The following BBX variants were observed in gnomAD, a reference collection of about 807,000 sequenced individuals.
BBX encodes the protein BBX high mobility group box domain containing.
In BBX, 30 loss-of-function variants were observed where a neutral mutation model predicts 100.2. The ratio of observed to expected loss-of-function variants is 0.30; its 90% CI spans 0.22 to 0.41. The LOEUF (loss-of-function observed/expected upper bound fraction) is 0.41. Among genes scored for constraint, BBX ranks in the 10% least tolerant of loss-of-function variants. The probability of loss-of-function intolerance (pLI) is 1.00; values close to 1 mark genes in which losing one functional copy is unlikely to be tolerated. For synonymous variants in BBX, 376 were observed against 388.1 expected (o/e 0.97, Z 0.37); for missense variants, 1,023 against 1,129.8 (o/e 0.91, Z 1.35).
At chr3:107,525,754 A>G (rs1017492662) in intron 1 of BBX, among the ~76,000 whole-genome samples, 1 of 152,046 alleles carries the variant, frequency 6.6e-6, no homozygotes, top group Non-Finnish European at 1.5e-5. Context: ...GCTTTGGCGA[A>G]TGTGTTTTCC....
chr3:107,679,516 C>T (rs2059463538), intron 3 of BBX, among the ~76,000 whole-genome samples: 1 of 152,012 alleles, frequency 6.6e-6, no homozygotes. Flanking sequence ...ATATGCCAGG[C>T]ACAACAATAG....
intron 7 of BBX, among the ~76,000 whole-genome samples, chr3:107,741,905 A>G: frequency 2.3e-5 from 3 of 128,472 alleles, no homozygotes. Flanking sequence ...AGATCAGTGT[A>G]TCCACAGATA....
chr3:107,598,085 C>T (rs1391983932), intron 2 of BBX, among the ~76,000 whole-genome samples: 1 of 152,164 alleles, frequency 6.6e-6, no homozygotes, highest in African/African-American at 2.4e-5. Context: ...CCTGCATATC[C>T]TTTGGAAAAC....
At chr3:107,747,137 C>T (rs1429992893) in intron 8 of BBX, among the ~76,000 whole-genome samples, 1 of 152,106 alleles carries the variant, frequency 6.6e-6, no homozygotes, top group East Asian at 1.9e-4. Flanking sequence ...AAGAAAGCTA[C>T]CATAATTGCC....
chr3:107,801,389 G>C (rs1163723711), intron 17 of BBX, 108 bp downstream of exon 17: 1 of 1,208,796 alleles, frequency 8.3e-7, no homozygotes, highest in East Asian at 2.5e-5. Context: ...CTTGGTTCAA[G>C]AGCACTATTG....
rs950249502 is a variant in BBX at position 107,808,161 on chromosome 3, T to G, written c.*2704T>G. 2.0e-5 allele frequency: 3 copies of G among 152,204 alleles called. No individual in the cohort carries two copies. The highest frequency in any genetic ancestry group is 7.2e-5 in the African/African-American group (3 of 41,458). The allele number at this position is 152,204 out of a possible 1,614,324, so 9.4% of individuals were successfully genotyped here. A position where few individuals can be genotyped will look rare whatever the true frequency, so the allele number is the denominator to read the frequency against. ...TCTTTTTTATTTTGGAAAATCATAT[T>G]GCTATAGTGTGTACTTTAATCTGCC... On this transcript the variant is annotated 3_prime_UTR_variant, in exon 18 of 18. Coordinates refer to ENST00000325805, the MANE Select transcript of BBX (RefSeq NM_001142568.3).
At chr3:107,752,684 A>G (rs2065167758) in intron 9 of BBX, among the ~76,000 whole-genome samples, 1 of 152,174 alleles carries the variant, frequency 6.6e-6, no homozygotes, top group South Asian at 2.1e-4. Context: ...GACTTTATGG[A>G]TGAATACTGT....
chr3:107,678,863 G>A (rs984881840), intron 3 of BBX, among the ~76,000 whole-genome samples: 1 of 152,154 alleles, frequency 6.6e-6, no homozygotes, highest in Non-Finnish European at 1.5e-5. Flanking sequence ...AGCAGTGTAT[G>A]TGTATATAAA....
chr3:107,695,108 A>G (rs377724407), intron 3 of BBX, among the ~76,000 whole-genome samples: 13,893 of 132,992 alleles, frequency 0.1, 892 homozygotes, highest in Non-Finnish European at 0.13. Context: ...TAGTCTTGCT[A>G]GCGGTCTATC....
intron 17 of BBX, among the ~76,000 whole-genome samples, chr3:107,803,394 T>C (rs911219455): frequency 6.6e-6 from 1 of 152,180 alleles, no homozygotes; most frequent in Non-Finnish European, 1.5e-5. Flanking sequence ...CTCACTGTTA[T>C]TGAACCTGGG....
intron 8 of BBX, among the ~76,000 whole-genome samples, chr3:107,747,228 A>AGTGTGT (rs148845246): frequency 3.4e-5 from 5 of 148,186 alleles, no homozygotes; most frequent in African/African-American, 9.9e-5. Flanking sequence ...CTAACGTGTG[A>AGTGTGT]GTGTGTGTGT....
intron 2 of BBX, among the ~76,000 whole-genome samples, chr3:107,563,798 A>G (rs527708294): frequency 6.6e-6 from 1 of 152,338 alleles, no homozygotes; most frequent in Non-Finnish European, 1.5e-5. Context: ...AGTGCTTATT[A>G]CAGGGCCTGA....
intron 2 of BBX, among the ~76,000 whole-genome samples, chr3:107,598,670 A>C (rs1222728672): frequency 1.3e-5 from 2 of 152,192 alleles, no homozygotes; most frequent in Admixed American, 1.3e-4. Context: ...AATTGCCTGA[A>C]GTCACATAGG....
chr3:107,737,885 T>TTTTTTTTG (rs1560069593), intron 7 of BBX, among the ~76,000 whole-genome samples: 8 of 21,294 alleles, frequency 3.8e-4, no homozygotes, highest in Non-Finnish European at 9.4e-4. Context: ...AGAGTTCCAG[T>TTTTTTTTG]TTTTTTTTTT....
chr3:107,697,447 G>A (rs1232646988), intron 3 of BBX, among the ~76,000 whole-genome samples: 2 of 151,546 alleles, frequency 1.3e-5, no homozygotes, highest in African/African-American at 4.9e-5. Flanking sequence ...GTCTGTTGGA[G>A]TACCTGGCCT....
chr3:107,671,113 T>A (rs1396371714), intron 3 of BBX, among the ~76,000 whole-genome samples: 1 of 151,838 alleles, frequency 6.6e-6, no homozygotes, highest in Non-Finnish European at 1.5e-5. Flanking sequence ...TTTTTTTCAT[T>A]GTACAACCTG....
chr3:107,650,326 G>T (rs1444985272), intron 3 of BBX, among the ~76,000 whole-genome samples: 1 of 152,018 alleles, frequency 6.6e-6, no homozygotes, highest in African/African-American at 2.4e-5. Context: ...TAGGTTGCAT[G>T]CTCCTTATGA....
chr3:107,623,459 C>T (rs1211661249), intron 2 of BBX, among the ~76,000 whole-genome samples: 2 of 152,148 alleles, frequency 1.3e-5, no homozygotes, highest in African/African-American at 4.8e-5. Flanking sequence ...CTACTTTTAG[C>T]TGCCACATGC....
At chr3:107,655,761 C>G (rs1435273896) in intron 3 of BBX, among the ~76,000 whole-genome samples, 1 of 151,076 alleles carries the variant, frequency 6.6e-6, no homozygotes, top group African/African-American at 2.4e-5. Flanking sequence ...AATGCAGTGA[C>G]ACAATCTCAG....
Sources: allele counts gnomAD v4.1 joint callset (sites outside exome capture counted in the v4.1 genomes callset), GRCh38; gene constraint gnomAD v4.1.1; transcripts MANE v1.5; gene names NCBI Gene and HGNC (gene_info 2026-07-23, HGNC 2026-07-21).